The following SOX5 variants were observed in gnomAD, a reference collection of about 807,000 sequenced individuals.
SOX5 encodes transcription factor SOX-5.
SOX5 carries 9 observed loss-of-function variants against 92.0 expected under a neutral mutation model. That is an observed-to-expected ratio of 0.10 (90% CI 0.06 to 0.17). SOX5 has a LOEUF of 0.17. Ranked by LOEUF, SOX5 falls within the 10% of genes least tolerant of loss-of-function variation. The pLI is 1.00. For synonymous variants in SOX5, 344 were observed against 336.3 expected, an observed-to-expected ratio of 1.02 and a Z score of -0.25; for missense variants, 642 against 944.5, an observed-to-expected ratio of 0.68 and a Z score of 4.20.
intron 4 of SOX5, among the ~76,000 whole-genome samples, chr12:24,101,524 TTTTGA>T (rs890677128): frequency 1.8e-4 from 28 of 152,286 alleles, no homozygotes; most frequent in Admixed American, 6.5e-4. Flanking sequence ...GCAGAACTTC[TTTTGA>T]TTTGTGTTTT....
chr12:23,674,575 T>C (rs967221779), intron 6 of SOX5, among the ~76,000 whole-genome samples: 1 of 151,852 alleles, frequency 6.6e-6, no homozygotes, highest in South Asian at 2.1e-4. Flanking sequence ...TTACCTCAGA[T>C]GATCCACCCT....
chr12:24,145,410 C>G (rs1474607242), intron 4 of SOX5, among the ~76,000 whole-genome samples: 3 of 152,100 alleles, frequency 2.0e-5, no homozygotes, highest in African/African-American at 7.2e-5. Flanking sequence ...TTAAAAAGAT[C>G]TAACTACGTG....
chr12:24,306,189 G>A (rs1246823226), intron 2 of SOX5, among the ~76,000 whole-genome samples: 1 of 152,172 alleles, frequency 6.6e-6, no homozygotes, highest in African/African-American at 2.4e-5. Flanking sequence ...CGGGGAAAGT[G>A]GGCGTTTGCT....
Position 23,604,527 on chromosome 12 carries a change from A to G in SOX5, c.1024T>C (p.Tyr342His), listed in dbSNP as rs769948030. Residue 342 changes from tyrosine (Y) to histidine (H), a missense_variant, in exon 9 of 15, where the codon TAT becomes CAT. This residue lies in a region of SOX5 where 324 missense variants were observed against 461.6 expected (regional missense o/e 0.70). Transcript: ENST00000451604. ...GLGPLQLQQLYAAQLAAMQVS... is the reference protein window; with the variant it reads ...GLGPLQLQQLHAAQLAAMQVS... ...TGCATTGCAGCTAGCTGGGCAGCAT[A>G]TAACTGCTACAGAAGAAAAAGAGAG... 2 of 1,613,554 alleles carry G rather than the reference A, an allele frequency of 1.2e-6. No homozygotes were observed. The highest frequency in any genetic ancestry group is 1.1e-5 in the South Asian group (1 of 91,064).
chr12:23,876,628 C>T (rs1291306521), intron 2 of SOX5, among the ~76,000 whole-genome samples: 1 of 151,954 alleles, frequency 6.6e-6, no homozygotes, highest in East Asian at 1.9e-4. Flanking sequence ...CCAGCAATCC[C>T]AATACCCATT....
At chr12:24,533,378 C>G (rs1427302907) in intron 1 of SOX5, among the ~76,000 whole-genome samples, 1 of 152,170 alleles carries the variant, frequency 6.6e-6, no homozygotes, top group Non-Finnish European at 1.5e-5. Flanking sequence ...ACATGGAACA[C>G]AGGCTCTTTA....
chr12:23,989,869 T>C (rs1353255387), intron 4 of SOX5, among the ~76,000 whole-genome samples: 5 of 152,134 alleles, frequency 3.3e-5, no homozygotes, highest in Non-Finnish European at 2.9e-5. Flanking sequence ...GAGTTTGTTA[T>C]AGTAGCTTGA....
At chr12:23,559,794 C>G (rs141271760) in intron 11 of SOX5, among the ~76,000 whole-genome samples, 1 of 152,236 alleles carries the variant, frequency 6.6e-6, no homozygotes, top group Non-Finnish European at 1.5e-5. Context: ...GTAAAGCACC[C>G]GGCTGAACTT....
chr12:23,868,920 A>T (rs537334594), intron 2 of SOX5, among the ~76,000 whole-genome samples: 1 of 152,238 alleles, frequency 6.6e-6, no homozygotes, highest in Non-Finnish European at 1.5e-5. Flanking sequence ...TAGATTATAA[A>T]GTCCTAATTT....
In SOX5 at chr12:23,896,015, G is replaced by A; in HGVS notation, c.48C>T (p.Ser16=). ...CCCCATACGGAGAGGCTGGTCGCTT[G>A]GAAGACATCCTGGAAGGAACAAAAG... ...DLPQEFERMS[S]KRPASPYGEA... is the part of the protein sequence containing the mutation. The change falls in exon 2 of 15, where the codon TCC becomes TCT. Residue 16 remains serine, a synonymous_variant. Transcript: ENST00000451604. 1 of 1,610,796 alleles carries A rather than the reference G, an allele frequency of 6.2e-7. No homozygotes were observed. Among genetic ancestry groups the A allele is most frequent in the Non-Finnish European group, 8.5e-7 (1 of 1,177,130 alleles).
intron 3 of SOX5, among the ~76,000 whole-genome samples, chr12:24,255,247 C>A (rs144789380): frequency 6.6e-6 from 1 of 152,070 alleles, no homozygotes; most frequent in South Asian, 2.1e-4. Context: ...AAAGAGTAAG[C>A]TTTTGTTGTC....
chr12:24,315,072 C>T (rs1251326019), intron 2 of SOX5, among the ~76,000 whole-genome samples: 1 of 152,192 alleles, frequency 6.6e-6, no homozygotes. Flanking sequence ...AAAGTCTTAA[C>T]ATAAAGAAAC....
chr12:24,299,434 T>G (rs772931955), intron 2 of SOX5, among the ~76,000 whole-genome samples: 1 of 152,176 alleles, frequency 6.6e-6, no homozygotes. Flanking sequence ...TAAGTATTTT[T>G]TTTTTCCTTT....
At chr12:24,212,373 G>T in intron 4 of SOX5, 1 of 532,152 alleles carries the variant, frequency 1.9e-6, no homozygotes, top group Middle Eastern at 3.4e-4. Context: ...CACACTGAAG[G>T]ACAAAGACAT....
At chr12:23,913,996 G>A (rs1213796220) in intron 1 of SOX5, among the ~76,000 whole-genome samples, 2 of 152,130 alleles carry the variant, frequency 1.3e-5, no homozygotes, top group Non-Finnish European at 2.9e-5. Flanking sequence ...CTTTGGAAAG[G>A]TAACTCAACC....
intron 3 of SOX5, among the ~76,000 whole-genome samples, chr12:23,833,537 G>A (rs1012029289): frequency 2.0e-5 from 3 of 151,894 alleles, no homozygotes; most frequent in East Asian, 1.9e-4. Context: ...CATAGGTAAC[G>A]TTACCATATC....
chr12:24,241,777 G>A (rs1412665055), intron 3 of SOX5, among the ~76,000 whole-genome samples: 7 of 152,158 alleles, frequency 4.6e-5, no homozygotes, highest in East Asian at 1.9e-4. Context: ...GTAGAATATC[G>A]ATATTCTGGA....
intron 2 of SOX5, among the ~76,000 whole-genome samples, chr12:23,869,633 G>A (rs1230973149): frequency 6.6e-6 from 1 of 152,126 alleles, no homozygotes; most frequent in African/African-American, 2.4e-5. Flanking sequence ...AAGATAAGAA[G>A]CAGCCCCAGA....
chr12:24,557,361 C>T (rs1953900373), intron 1 of SOX5, among the ~76,000 whole-genome samples: 1 of 144,654 alleles, frequency 6.9e-6, no homozygotes, highest in Non-Finnish European at 1.5e-5. Flanking sequence ...AACATAGCGC[C>T]ACTGCACTCC....
Sources: gnomAD v4.1 joint callset for allele counts (sites outside exome capture counted in the v4.1 genomes callset) on GRCh38, gnomAD v4.1.1 for gene constraint, gnomAD v4.1.1 regional missense constraint, MANE v1.5 for transcripts, NCBI Gene and HGNC (gene_info 2026-07-23, HGNC 2026-07-21) for gene names.